Variants in ADAM23 observed in about 807,000 individuals in gnomAD.
ADAM23 encodes the protein disintegrin and metalloproteinase domain-containing protein 23.
Under a neutral mutation model 120.1 loss-of-function variants are expected in ADAM23, and 33 were observed. The observed-to-expected ratio is 0.27, with a 90% CI of 0.21 to 0.37. The LOEUF (loss-of-function observed/expected upper bound fraction) is 0.37, where lower values mean the gene tolerates loss of function less well. Among genes scored for constraint, ADAM23 ranks in the 10% least tolerant of loss-of-function variants. The pLI is 1.00. For missense variants in ADAM23, 862 were observed against 1,058.2 expected (o/e 0.81, Z 2.57); for synonymous variants, 367 against 375.2 (o/e 0.98, Z 0.25).
chr2:206,528,918 T>A (rs1471056786), intron 3 of ADAM23, among the ~76,000 whole-genome samples: 2 of 152,186 alleles, frequency 1.3e-5, no homozygotes, highest in African/African-American at 2.4e-5. Context: ...ATAGTCCTTA[T>A]AACAGTACCT....
In ADAM23 at chr2:206,535,932, A is replaced by G. The variant is rs145209206; in HGVS notation, c.573+4984A>G. 3.1e-3 allele frequency among the ~76,000 whole-genome samples: 479 copies of G among 152,332 alleles called. 6 individuals carry two copies. The highest frequency in any genetic ancestry group is 0.011 in the African/African-American group (452 of 41,576). ...ACTCTGTGAATATGCGAAGAAAAAC[A>G]CTGAATTTTATACTTAAAAAGGTAA... On this transcript the variant is annotated intron_variant, in intron 4 of 25. Transcript: ENST00000264377.
intron 2 of ADAM23, among the ~76,000 whole-genome samples, chr2:206,465,731 C>A (rs1316573365): frequency 6.6e-6 from 1 of 152,084 alleles, no homozygotes; most frequent in Non-Finnish European, 1.5e-5. Context: ...GGCACTATTA[C>A]AAAATTTTGA....
chr2:206,451,309 G>T (rs1359688944), intron 2 of ADAM23, among the ~76,000 whole-genome samples: 1 of 152,190 alleles, frequency 6.6e-6, no homozygotes, highest in African/African-American at 2.4e-5. Context: ...GCACGACCTT[G>T]GCTCACTGCA....
chr2:206,591,103 G>A (rs1422407329), intron 21 of ADAM23, among the ~76,000 whole-genome samples: 4 of 152,240 alleles, frequency 2.6e-5, no homozygotes, highest in South Asian at 4.1e-4. Context: ...AGGCTGAGGC[G>A]AGTGGATCGC....
chr2:206,516,324 G>GT (rs34334075), intron 3 of ADAM23, among the ~76,000 whole-genome samples: 47 of 151,612 alleles, frequency 3.1e-4, no homozygotes, highest in African/African-American at 1.0e-3. Flanking sequence ...ATGTAAATGC[G>GT]TTTTTTTTCT....
At chr2:206,459,699 A>T (rs763726107) in intron 2 of ADAM23, among the ~76,000 whole-genome samples, 5 of 152,166 alleles carry the variant, frequency 3.3e-5, no homozygotes, top group Non-Finnish European at 1.5e-5. Context: ...CAAGCTTAAC[A>T]TACCCAAAAT....
At chr2:206,570,418 A>G (rs934371791) in intron 15 of ADAM23, among the ~76,000 whole-genome samples, 3 of 152,226 alleles carry the variant, frequency 2.0e-5, no homozygotes, top group African/African-American at 7.2e-5. Context: ...TTTTAGCTCC[A>G]TTAGCAAATA....
At chr2:206,504,676 C>T (rs923777060) in intron 3 of ADAM23, among the ~76,000 whole-genome samples, 26 of 152,152 alleles carry the variant, frequency 1.7e-4, no homozygotes, top group African/African-American at 5.5e-4. Flanking sequence ...TGTAGAGTTA[C>T]AGAGTTTGCA....
intron 24 of ADAM23, 164 bp from the exon 25 acceptor site, chr2:206,609,746 G>A (rs1449252957): frequency 2.2e-5 from 13 of 580,682 alleles, no homozygotes; most frequent in East Asian, 1.7e-4. Flanking sequence ...AACGCTCACC[G>A]TAGCATCTAA....
chr2:206,493,663 C>T (rs567949977), intron 3 of ADAM23, among the ~76,000 whole-genome samples: 4 of 152,378 alleles, frequency 2.6e-5, no homozygotes, highest in African/African-American at 9.6e-5. Context: ...TGAGCCACCA[C>T]ACCTAGCCTA....
chr2:206,481,455 G>T, intron 3 of ADAM23, 147 bp downstream of exon 3: 1 of 512,968 alleles, frequency 1.9e-6, no homozygotes, highest in Non-Finnish European at 3.2e-6. Flanking sequence ...AATTCTGAAT[G>T]GTGAATTATA....
In ADAM23 at chr2:206,533,033, T is replaced by C. The variant is rs115056044; in HGVS notation, c.573+2085T>C. On this transcript the variant is annotated intron_variant, in intron 4 of 25. Transcript: ENST00000264377. Reference sequence around the variant, plus strand: ...CCCACCACCATTACATATATATATATATTTTTAAAGCATTTGTAAATAAAC... The same window carrying C: ...CCCACCACCATTACATATATATATACATTTTTAAAGCATTTGTAAATAAAC... Among the ~76,000 whole-genome samples, 510 of 152,242 alleles carry C rather than the reference T, an allele frequency of 3.3e-3. 3 individuals are homozygous for C. The highest frequency in any genetic ancestry group is 0.011 in the African/African-American group (478 of 41,574).
chr2:206,585,176 C>A (rs1698298874), intron 18 of ADAM23, among the ~76,000 whole-genome samples: 1 of 152,200 alleles, frequency 6.6e-6, no homozygotes. Context: ...ATTCACAGTG[C>A]AGGCCTCCGC....
chr2:206,488,979 G>T lies in ADAM23; in HGVS notation c.509+7671G>T, dbSNP rs147686402. Among the ~76,000 whole-genome samples, 362 of 152,324 alleles carry T rather than the reference G, an allele frequency of 2.4e-3. 1 individual carries two copies. Among genetic ancestry groups the T allele is most frequent in the Middle Eastern group, 6.8e-3 (2 of 294 alleles). ...GCAAACTGCCTGGTGGGAGTCCCTG[G>T]ATCCTAAGGGGGATATTCAGCTTTA... On this transcript the variant is annotated intron_variant, in intron 3 of 25. Transcript: ENST00000264377.
At chr2:206,542,690 C>T (rs1372965050) in intron 5 of ADAM23, among the ~76,000 whole-genome samples, 7 of 152,114 alleles carry the variant, frequency 4.6e-5, no homozygotes, top group Non-Finnish European at 1.0e-4. Flanking sequence ...TGAAACTTTT[C>T]GCCCTTTTAT....
At chr2:206,448,824 G>A (rs1197540741) in intron 2 of ADAM23, among the ~76,000 whole-genome samples, 2 of 152,170 alleles carry the variant, frequency 1.3e-5, no homozygotes, top group African/African-American at 4.8e-5. Flanking sequence ...CTTCCATCTG[G>A]CTCTTCATCT....
intron 2 of ADAM23, among the ~76,000 whole-genome samples, chr2:206,480,216 G>A (rs1276220532): frequency 6.6e-6 from 1 of 152,116 alleles, no homozygotes; most frequent in Non-Finnish European, 1.5e-5. Flanking sequence ...GAAGGATGGG[G>A]AGAGTTTCAA....
intron 3 of ADAM23, among the ~76,000 whole-genome samples, chr2:206,505,135 A>G (rs1336735954): frequency 6.6e-6 from 1 of 152,158 alleles, no homozygotes; most frequent in Admixed American, 6.5e-5. Context: ...GGAGGTATGT[A>G]TTTGCAAACT....
chr2:206,550,212 A>G, intron 9 of ADAM23, 52 bp downstream of exon 9: 1 of 1,136,924 alleles, frequency 8.8e-7, no homozygotes, highest in Non-Finnish European at 1.2e-6. Flanking sequence ...CTTAAGAAAG[A>G]ATACATTTTA....
Sources: allele counts gnomAD v4.1 joint callset (sites outside exome capture counted in the v4.1 genomes callset), GRCh38; gene constraint gnomAD v4.1.1; transcripts MANE v1.5; gene names NCBI Gene and HGNC (gene_info 2026-07-23, HGNC 2026-07-21).